Variants in CACNA1A observed in about 807,000 individuals in gnomAD.
CACNA1A encodes voltage-dependent P/Q-type calcium channel subunit alpha-1A.
CACNA1A carries 57 observed loss-of-function variants against 262.4 expected under a neutral mutation model. The ratio of observed to expected loss-of-function variants is 0.22; its 90% confidence interval spans 0.18 to 0.27. CACNA1A has a LOEUF of 0.27. Among genes scored for constraint, CACNA1A ranks in the 10% least tolerant of loss-of-function variants. The pLI is 1.00. For missense variants in CACNA1A, 2,526 were observed against 3,562.8 expected (o/e 0.71, Z 7.41); for synonymous variants, 1,431 against 1,419.3 (o/e 1.01, Z -0.18).
intron 3 of CACNA1A, among the ~76,000 whole-genome samples, chr19:13,437,889 G>C (rs193080527): frequency 2.6e-5 from 4 of 152,146 alleles, no homozygotes; most frequent in Admixed American, 2.6e-4. Flanking sequence ...CAAAGCCCCA[G>C]TGGACAGAGG....
intron 1 of CACNA1A, among the ~76,000 whole-genome samples, chr19:13,489,995 C>T (rs1386189462): frequency 6.6e-6 from 1 of 152,130 alleles, no homozygotes; most frequent in African/African-American, 2.4e-5. Flanking sequence ...CCTCTCTCTC[C>T]CCACCCAGAA....
intron 3 of CACNA1A, among the ~76,000 whole-genome samples, chr19:13,394,111 C>T (rs2059768719): frequency 6.6e-6 from 1 of 152,252 alleles, no homozygotes; most frequent in South Asian, 2.1e-4. Context: ...TGAGTGCTTG[C>T]TGTGGGCCAA....
In CACNA1A at chr19:13,212,017, A is replaced by T; in HGVS notation, c.6303+86T>A. Reference sequence around the variant, plus strand: ...CAGGCCTGAGTCCGGCAGGGAGGGGATGCACTGGGCTGCTTGTGGGGGGGC... The same window carrying T: ...CAGGCCTGAGTCCGGCAGGGAGGGGTTGCACTGGGCTGCTTGTGGGGGGGC... On this transcript the variant is annotated intron_variant, in intron 43 of 46. Transcript: ENST00000360228. The surrounding 1 kb of genome is among the most constrained non-coding windows in gnomAD (Gnocchi z 5.6). 1.1e-6 allele frequency: 1 copy of T among 925,568 alleles called. No individual in the cohort carries two copies. Among genetic ancestry groups the T allele is most frequent in the Non-Finnish European group, 1.7e-6 (1 of 592,426 alleles). The allele number at this position is 925,568 out of a possible 1,614,324, so 57.3% of individuals were successfully genotyped here. A position where few individuals can be genotyped will look rare whatever the true frequency, so the allele number is the denominator to read the frequency against.
chr19:13,250,522 G>A (rs1200735649), intron 30 of CACNA1A, among the ~76,000 whole-genome samples: 7 of 152,026 alleles, frequency 4.6e-5, no homozygotes, highest in East Asian at 1.9e-4. Context: ...TCAGCCTCCC[G>A]AGTAGCTGAG....
intron 38 of CACNA1A, among the ~76,000 whole-genome samples, chr19:13,219,423 G>C (rs562502184): frequency 6.6e-6 from 1 of 152,144 alleles, no homozygotes; most frequent in Non-Finnish European, 1.5e-5. Flanking sequence ...TTCTTCCAGG[G>C]AATCACTGAA....
intron 22 of CACNA1A, 129 bp downstream of exon 22, chr19:13,283,138 G>T: frequency 9.3e-7 from 1 of 1,074,290 alleles, no homozygotes; most frequent in Non-Finnish European, 1.3e-6. Context: ...CTCTCAACCA[G>T]CAGCCATAAG....
intron 37 of CACNA1A, chr19:13,225,423 C>G (rs1024704629): frequency 1.3e-5 from 2 of 152,406 alleles, no homozygotes; most frequent in Admixed American, 6.5e-5. Context: ...AAGTGTATCT[C>G]AGGGGCATGT....
chr19:13,336,594 GGA>G (rs547329827), intron 6 of CACNA1A, among the ~76,000 whole-genome samples: 2,938 of 65,350 alleles, frequency 0.045, 72 homozygotes, highest in African/African-American at 0.092. Flanking sequence ...AGAGAGAGAG[GGA>G]GAGAGAGAGA....
chr19:13,207,995 C>G lies in CACNA1A; in HGVS notation c.6839G>C (p.Arg2280Pro). ...APSTSGTSTP[R>P]RGRRQLPQTP... ...CTGGGGGAGCTGGCGGCGGCCCCGC[C>G]GCGGAGTGCTGGTACCAGATGTTGA... The change falls in exon 47 of 47, where the codon CGG becomes CCG. Residue 2280 changes from arginine to proline, a missense_variant. Coordinates refer to ENST00000360228, the MANE Select transcript of CACNA1A (RefSeq NM_001127222.2). The surrounding 1 kb of genome is among the most constrained non-coding windows in gnomAD (Gnocchi z 5.7). 7.5e-7 allele frequency: 1 copy of G among 1,330,956 alleles called. No individual in the cohort carries two copies. The allele number at this position is 1,330,956 out of a possible 1,614,324, so 82.4% of individuals were successfully genotyped here. A position where few individuals can be genotyped will look rare whatever the true frequency, so the allele number is the denominator to read the frequency against.
chr19:13,355,587 G>A (rs1382187671), intron 6 of CACNA1A, among the ~76,000 whole-genome samples: 1 of 152,180 alleles, frequency 6.6e-6, no homozygotes, highest in Non-Finnish European at 1.5e-5. Flanking sequence ...CGACAGGGAG[G>A]GAGCTGGGGT....
intron 17 of CACNA1A, among the ~76,000 whole-genome samples, chr19:13,302,891 G>A (rs1162167027): frequency 2.0e-5 from 3 of 152,194 alleles, no homozygotes; most frequent in African/African-American, 4.8e-5. Flanking sequence ...TGAATACCTC[G>A]AGGCACTGGA....
chr19:13,368,804 C>T lies in CACNA1A; in HGVS notation c.631+2884G>A, dbSNP rs1053120775. The stretch of plus-strand genomic sequence containing the variant: ...CTGTAATCCCAGCACTTTGGGAGGC[C>T]GAGGCGGGCGGATCACGAGGTCAGG... On this transcript the variant is annotated intron_variant, in intron 4 of 46. Coordinates refer to ENST00000360228, the MANE Select transcript of CACNA1A (RefSeq NM_001127222.2). Among the ~76,000 whole-genome samples, 11 of 129,034 alleles carry T rather than the reference C, an allele frequency of 8.5e-5. 1 individual carries two copies. In the East Asian group the frequency reaches 1.7e-3, roughly 20 times the overall value. 84.7% of individuals were successfully genotyped at this position (129,034 alleles called of 152,430 possible).
At chr19:13,231,915 C>A in intron 34 of CACNA1A, 55 bp from the exon 35 acceptor site, 2 of 1,563,310 alleles carry the variant, frequency 1.3e-6, no homozygotes, top group Non-Finnish European at 1.7e-6. Flanking sequence ...TGGGTACCAA[C>A]GCCTCCCCAG....
At chr19:13,404,794 G>A (rs998297050) in intron 3 of CACNA1A, among the ~76,000 whole-genome samples, 11 of 152,140 alleles carry the variant, frequency 7.2e-5, no homozygotes, top group African/African-American at 2.7e-4. Flanking sequence ...ATCCCTGAGG[G>A]GAAAGGTGTG....
At chr19:13,479,068 G>A (rs1978928273) in intron 1 of CACNA1A, among the ~76,000 whole-genome samples, 1 of 152,198 alleles carries the variant, frequency 6.6e-6, no homozygotes, top group East Asian at 1.9e-4. Context: ...CAGCTACTCA[G>A]GAGGCTGAGG....
chr19:13,386,913 T>G (rs1204807797), intron 3 of CACNA1A, among the ~76,000 whole-genome samples: 1 of 152,168 alleles, frequency 6.6e-6, no homozygotes, highest in Non-Finnish European at 1.5e-5. Context: ...GAGACATTGT[T>G]GAGCCAAGGA....
At chr19:13,451,538 T>A (rs2060915752) in intron 3 of CACNA1A, 1 of 152,178 alleles carries the variant, frequency 6.6e-6, no homozygotes, top group African/African-American at 2.4e-5. Context: ...GACTAGTAGG[T>A]CATTCTCCAA....
At chr19:13,384,561 G>A (rs562219590) in intron 3 of CACNA1A, among the ~76,000 whole-genome samples, 10 of 152,274 alleles carry the variant, frequency 6.6e-5, no homozygotes, top group South Asian at 2.1e-4. Context: ...TTAGCCAGCC[G>A]TGGTGGCGGG....
chr19:13,337,156 T>G (rs1568548056), intron 6 of CACNA1A, among the ~76,000 whole-genome samples: 2 of 152,212 alleles, frequency 1.3e-5, no homozygotes, highest in East Asian at 3.8e-4. Context: ...GCTGTATTCA[T>G]CTCCTGTGGC....
Sources: gnomAD v4.1 joint callset for allele counts (sites outside exome capture counted in the v4.1 genomes callset) on GRCh38, gnomAD v4.1.1 for gene constraint, Gnocchi (gnomAD v3.1) non-coding constraint, MANE v1.5 for transcripts, NCBI Gene and HGNC (gene_info 2026-07-23, HGNC 2026-07-21) for gene names.